The following PODXL variants were observed in gnomAD, a reference collection of about 807,000 sequenced individuals.
PODXL encodes the protein podocalyxin.
A neutral mutation model predicts 48.9 loss-of-function variants in PODXL; 20 were observed. That is an observed-to-expected ratio of 0.41 (90% CI 0.29 to 0.59). The LOEUF is 0.59. Ranked by LOEUF, PODXL falls within the 20% of genes least tolerant of loss-of-function variation. PODXL has a pLI of 0.31. For synonymous variants in PODXL, 295 were observed against 287.4 expected (o/e 1.03, Z -0.27); for missense variants, 606 against 675.1 (o/e 0.90, Z 1.13).
intron 1 of PODXL, among the ~76,000 whole-genome samples, chr7:131,550,011 A>G (rs181027011): frequency 6.6e-6 from 1 of 152,358 alleles, no homozygotes; most frequent in African/African-American, 2.4e-5. Flanking sequence ...GGACTCAGAG[A>G]CAATGCAAGA....
chr7:131,508,396 C>G (rs938687360), intron 5 of PODXL, among the ~76,000 whole-genome samples: 2 of 152,278 alleles, frequency 1.3e-5, no homozygotes, highest in Non-Finnish European at 2.9e-5. Context: ...TTAAAGCAGA[C>G]AGACTACACC....
intron 1 of PODXL, among the ~76,000 whole-genome samples, chr7:131,524,379 CAGAGAGAGAGAG>C (rs58163575): frequency 3.5e-4 from 36 of 104,102 alleles, no homozygotes; most frequent in South Asian, 3.3e-3. Context: ...CACACACACA[CAGAGAGAGAGAG>C]AGAGAGAGAG....
intron 1 of PODXL, among the ~76,000 whole-genome samples, chr7:131,514,889 G>T (rs911132381): frequency 1.3e-5 from 2 of 152,154 alleles, no homozygotes; most frequent in Non-Finnish European, 2.9e-5. Flanking sequence ...GATTACAGGT[G>T]TGAGCCATGG....
chr7:131,532,764 G>A (rs1164502379), intron 1 of PODXL, among the ~76,000 whole-genome samples: 1 of 152,190 alleles, frequency 6.6e-6, no homozygotes, highest in Non-Finnish European at 1.5e-5. Flanking sequence ...TGCCTTGGGA[G>A]AGACTTAGGT....
intron 1 of PODXL, among the ~76,000 whole-genome samples, chr7:131,555,303 CCT>C (rs997685903): frequency 5.3e-5 from 8 of 152,206 alleles, no homozygotes; most frequent in African/African-American, 9.7e-5. Flanking sequence ...GAGAAATGCA[CCT>C]CTCCCGTGGG....
intron 1 of PODXL, among the ~76,000 whole-genome samples, chr7:131,524,362 G>GCACA (rs1416965067): frequency 7.9e-6 from 1 of 126,328 alleles, no homozygotes; most frequent in African/African-American, 3.6e-5. Context: ...ACACACACAC[G>GCACA]CACACACACA....
rs188061060 is a variant in PODXL, at chr7:131,506,194, G to A, written c.1311+66C>T. 93 of 1,578,818 alleles carry A rather than the reference G, an allele frequency of 5.9e-5. No individual in the cohort carries two copies. The East Asian group carries it at 1.8e-3, about 30-fold the overall frequency. ...GGGGTTCCTCCCCACAGAGAGAGGG[G>A]AGTAACCAGACCTCCCACAAGGGGC... On this transcript the variant is annotated intron_variant, in intron 7 of 8. Transcript: ENST00000378555.
intron 1 of PODXL, among the ~76,000 whole-genome samples, chr7:131,531,923 C>G (rs946327098): frequency 6.7e-6 from 1 of 150,108 alleles, no homozygotes; most frequent in Non-Finnish European, 1.5e-5. Flanking sequence ...CCACCCTGAC[C>G]AACATGGAGA....
At position 131,506,607 on chromosome 7, in the gene PODXL, G is replaced by T. The variant is rs113941139; in HGVS notation, c.1221C>A (p.Thr407=). The T allele has an allele frequency of 5.8e-4, 944 of 1,614,134 alleles. 4 individuals carry two copies. The African/African-American group carries it at 0.011, about 19-fold the overall frequency. Residue 407 remains threonine, a synonymous_variant, in exon 6 of 9, where the codon ACC becomes ACA. Coordinates refer to ENST00000378555, the MANE Select transcript of PODXL (RefSeq NM_001018111.3). ...GAATAGTGATTTCTTTGACGACCAC[G>T]GTCTGACTTCCTGGAACAGATGCCA... is the stretch of plus-strand genomic sequence containing the variant. ...IRLASVPGSQ[T]VVVKEITIHT... is the part of the protein sequence containing the mutation.
At chr7:131,526,489 T>G (rs1798187583) in intron 1 of PODXL, among the ~76,000 whole-genome samples, 1 of 141,730 alleles carries the variant, frequency 7.1e-6, no homozygotes, top group Admixed American at 7.9e-5. Context: ...AGAAAAAAAA[T>G]TAAACATGCA....
At chr7:131,539,040 G>T (rs1427456491) in intron 1 of PODXL, among the ~76,000 whole-genome samples, 1 of 152,240 alleles carries the variant, frequency 6.6e-6, no homozygotes, top group Admixed American at 6.5e-5. Context: ...CGGGGACAGG[G>T]CTGATGCCTG....
At chr7:131,546,362 A>G (rs1798575570) in intron 1 of PODXL, among the ~76,000 whole-genome samples, 1 of 152,182 alleles carries the variant, frequency 6.6e-6, no homozygotes, top group Non-Finnish European at 1.5e-5. Context: ...GAGGTGGAAG[A>G]CTGCATTTAA....
intron 1 of PODXL, among the ~76,000 whole-genome samples, chr7:131,515,115 G>A (rs781057565): frequency 2.6e-4 from 39 of 152,148 alleles, no homozygotes; most frequent in Admixed American, 1.5e-3. Flanking sequence ...CATGAAAAAT[G>A]TCTCCAGATA....
chr7:131,544,084 G>C (rs1798525147), intron 1 of PODXL, among the ~76,000 whole-genome samples: 2 of 152,304 alleles, frequency 1.3e-5, no homozygotes, highest in South Asian at 2.1e-4. Flanking sequence ...AGGCCTGCAG[G>C]GAGGACACTG....
rs10253025 is a variant in PODXL at position 131,540,243 on chromosome 7, C to T, written c.100+16017G>A. ...TGATTATTTTGTAGAGATACGGTCT[C>T]ACTCTGTTGCCCAAACTAGCCTTGA... On this transcript the variant is annotated intron_variant, in intron 1 of 8. Coordinates refer to ENST00000378555, the MANE Select transcript of PODXL (RefSeq NM_001018111.3). Among the ~76,000 whole-genome samples the T allele has an allele frequency of 4.2e-3, 646 of 152,258 alleles. 7 individuals are homozygous for T. Among genetic ancestry groups the T allele is most frequent in the African/African-American group, 0.015 (612 of 41,542 alleles).
chr7:131,524,313 CACTGTACTGT>C (rs1798137638), intron 1 of PODXL, among the ~76,000 whole-genome samples: 1 of 149,566 alleles, frequency 6.7e-6, no homozygotes, highest in Admixed American at 6.8e-5. Context: ...TCCTATTGAA[CACTGTACTGT>C]GAGTCCTACT....
rs1797739072 is a variant in PODXL, at chr7:131,503,190, AAGC to A, written c.*1118_*1120del. 6.6e-6 allele frequency: 1 copy of A among 152,662 alleles called. No individual in the cohort carries two copies. Among genetic ancestry groups the A allele is most frequent in the Non-Finnish European group, 1.5e-5 (1 of 68,062 alleles). The allele number at this position is 152,662 out of a possible 1,614,324, so 9.5% of individuals were successfully genotyped here. ...TGAGTTTCCTATGATATACAGGGGAAAGCCTGTCCTTCCTGGCTGCTTTAATGG... is the reference window on the plus strand; with the variant it reads ...TGAGTTTCCTATGATATACAGGGGAACTGTCCTTCCTGGCTGCTTTAATGG... On this transcript the variant is annotated 3_prime_UTR_variant, in exon 9 of 9. Coordinates refer to ENST00000378555, the MANE Select transcript of PODXL (RefSeq NM_001018111.3).
intron 1 of PODXL, among the ~76,000 whole-genome samples, chr7:131,547,042 T>A (rs921732071): frequency 8.5e-5 from 13 of 152,152 alleles, no homozygotes; most frequent in African/African-American, 3.1e-4. Flanking sequence ...CAGGGTCTGT[T>A]GACTCACACT....
chr7:131,531,303 C>T (rs1363461025), intron 1 of PODXL, among the ~76,000 whole-genome samples: 2 of 152,222 alleles, frequency 1.3e-5, no homozygotes, highest in Non-Finnish European at 2.9e-5. Flanking sequence ...AAACCAGTAT[C>T]TCCCCCTCTC....
Sources: allele counts gnomAD v4.1 joint callset (sites outside exome capture counted in the v4.1 genomes callset), GRCh38; gene constraint gnomAD v4.1.1; transcripts MANE v1.5; gene names NCBI Gene and HGNC (gene_info 2026-07-23, HGNC 2026-07-21).